The following PLA2G4D variants were observed in gnomAD, a reference collection of about 807,000 sequenced individuals.
The protein encoded by PLA2G4D is cytosolic phospholipase A2 delta.
In PLA2G4D, 80 loss-of-function variants were observed where a neutral mutation model predicts 94.4. That is an observed-to-expected ratio of 0.85 (90% CI 0.71 to 1.02). PLA2G4D has a LOEUF of 1.02. Ranked by LOEUF, PLA2G4D falls within the 50% of genes least tolerant of loss-of-function variation. The probability of loss-of-function intolerance (pLI) is 0.00; values close to 1 mark genes in which losing one functional copy is unlikely to be tolerated. For synonymous variants in PLA2G4D, 438 were observed against 440.9 expected, an observed-to-expected ratio of 0.99 and a Z score of 0.08; for missense variants, 1,050 against 1,034.7, an observed-to-expected ratio of 1.01 and a Z score of -0.20.
At chr15:42,074,508 G>A (rs980189987) in intron 13 of PLA2G4D, among the ~76,000 whole-genome samples, 2 of 152,178 alleles carry the variant, frequency 1.3e-5, no homozygotes, top group Non-Finnish European at 2.9e-5. Context: ...AAAAAGTTTC[G>A]AAGAGATGAG....
intron 1 of PLA2G4D, among the ~76,000 whole-genome samples, chr15:42,089,751 C>G (rs992193154): frequency 2.0e-5 from 3 of 152,168 alleles, no homozygotes; most frequent in East Asian, 3.9e-4. Context: ...AGCCCAGCCT[C>G]GCTCCCCTGC....
Position 42,083,731 on chromosome 15 carries a change from T to A in PLA2G4D, c.520A>T (p.Thr174Ser). The A allele has an allele frequency of 6.2e-7, 1 of 1,614,020 alleles. No homozygotes were observed. Among genetic ancestry groups the A allele is most frequent in the Non-Finnish European group, 8.5e-7 (1 of 1,179,992 alleles). The change falls in exon 7 of 20, where the codon ACC becomes TCC. Residue 174 changes from threonine (T) to serine (S), a missense_variant. Coordinates refer to ENST00000290472, the MANE Select transcript of PLA2G4D (RefSeq NM_178034.4). ...CTGGTCTCACCTGCAACCACAGCGG[T>A]GCTCCCTGTGCTGTCCAGATGCACA... ...LDVHLDSTGS[T>S]AVVADQDKLE...
chr15:42,087,265 T>A, intron 3 of PLA2G4D, 35 bp downstream of exon 3: 1 of 1,613,572 alleles, frequency 6.2e-7, no homozygotes. Context: ...TCCAGCCCGT[T>A]CACAAGGGAG....
intron 5 of PLA2G4D, 43 bp from the exon 6 acceptor site, chr15:42,085,181 G>C (rs1890117481): frequency 1.2e-6 from 2 of 1,612,224 alleles, no homozygotes; most frequent in South Asian, 1.1e-5. Flanking sequence ...TTCCTGCATT[G>C]ACCTCCCGCT....
Position 42,087,454 on chromosome 15 carries a change from G to C in PLA2G4D, c.119-18C>G. 1 of 1,613,892 alleles carries C rather than the reference G, an allele frequency of 6.2e-7. No individual in the cohort carries two copies. The highest frequency in any genetic ancestry group is 1.1e-5 in the South Asian group (1 of 91,084). ...CTCACTCACTGCCAAGGTTAAGGAA[G>C]TCTTCGTGAGGGAGTACTCCCCACA... On this transcript the variant is annotated intron_variant, in intron 2 of 19. Transcript: ENST00000290472.
chr15:42,086,115 C>T, intron 4 of PLA2G4D, 98 bp downstream of exon 4: 1 of 1,342,038 alleles, frequency 7.5e-7, no homozygotes, highest in Non-Finnish European at 1.0e-6. Context: ...AATGAGTTCA[C>T]CCCAGCAGCC....
chr15:42,071,355 C>T (rs1889812282), intron 16 of PLA2G4D, 38 bp from the exon 17 acceptor site: 1 of 1,570,280 alleles, frequency 6.4e-7, no homozygotes, highest in Non-Finnish European at 8.6e-7. Context: ...CCTTCTTCCC[C>T]TTACTTCTTC....
At chr15:42,068,982 G>T (rs920320747) in intron 19 of PLA2G4D, 41 bp from the exon 20 acceptor site, 1 of 1,553,588 alleles carries the variant, frequency 6.4e-7, no homozygotes, top group South Asian at 1.2e-5. Context: ...AGGACGCCGG[G>T]GCTTCTACAG....
chr15:42,079,702 A>G lies in PLA2G4D; in HGVS notation c.1152T>C (p.Pro384=). The change falls in exon 13 of 20, where the codon CCT becomes CCC. Residue 384 remains proline, a synonymous_variant. Coordinates refer to ENST00000290472, the MANE Select transcript of PLA2G4D (RefSeq NM_178034.4). ...PEWSQRDLEG[P]IRYAREHLAK... ...CCAGGTGCTCCCGGGCGTATCTGATAGGTCCCTCCAGGTCCCTCTGCGACC... is the reference window on the plus strand; with the variant it reads ...CCAGGTGCTCCCGGGCGTATCTGATGGGTCCCTCCAGGTCCCTCTGCGACC... 1 of 1,607,932 alleles carries G rather than the reference A, an allele frequency of 6.2e-7. No individual in the cohort carries two copies. The highest frequency in any genetic ancestry group is 8.5e-7 in the Non-Finnish European group (1 of 1,178,074).
At chr15:42,071,676 C>CT in intron 15 of PLA2G4D, 98 bp downstream of exon 15, 1 of 1,421,780 alleles carries the variant, frequency 7.0e-7, no homozygotes, top group Admixed American at 1.8e-5. Flanking sequence ...ACCCCTCCCC[C>CT]TTGTCCTGAG....
rs199834138 is a variant in PLA2G4D, at chr15:42,082,353, C to A, written c.709G>T (p.Ala237Ser). The A allele has an allele frequency of 1.9e-6, 3 of 1,614,160 alleles. No homozygotes were observed. The East Asian group carries it at 6.7e-5, about 36-fold the overall frequency. ...RSNGWNGDNSAGYLTVPLRPL... is the reference protein window; with the variant it reads ...RSNGWNGDNSSGYLTVPLRPL... Reference sequence around the variant, plus strand: ...CTCAGGGGCACAGTGAGGTACCCAGCTGAGTTGTCCCCATTCCAGCCATTG... The same window carrying A: ...CTCAGGGGCACAGTGAGGTACCCAGATGAGTTGTCCCCATTCCAGCCATTG... The change falls in exon 9 of 20, where the codon GCT becomes TCT. Residue 237 changes from alanine (A) to serine (S), a missense_variant. Coordinates refer to ENST00000290472, the MANE Select transcript of PLA2G4D (RefSeq NM_178034.4).
chr15:42,085,002 C>T, intron 6 of PLA2G4D, 94 bp downstream of exon 6: 1 of 1,443,244 alleles, frequency 6.9e-7, no homozygotes. Flanking sequence ...CCTGCCCCTT[C>T]CTTGTCCCTG....
Position 42,068,801 on chromosome 15 carries a change from T to C in PLA2G4D, c.2371A>G (p.Thr791Ala). ...LLRLSDYNVQ[T>A]SQGAILQALR... ...GCCTGCAGGATGGCACCCTGGCTGGTCTGCACGTTGTAGTCACTGAGCCGC... is the reference window on the plus strand; with the variant it reads ...GCCTGCAGGATGGCACCCTGGCTGGCCTGCACGTTGTAGTCACTGAGCCGC... Residue 791 changes from threonine to alanine, a missense_variant, in exon 20 of 20, where the codon ACC becomes GCC. Thr to Ala is a moderately conservative substitution (Grantham distance 58, BLOSUM62 0). Coordinates refer to ENST00000290472, the MANE Select transcript of PLA2G4D (RefSeq NM_178034.4). 6.2e-7 allele frequency: 1 copy of C among 1,613,696 alleles called. No homozygotes were observed. The highest frequency in any genetic ancestry group is 1.6e-4 in the Middle Eastern group (1 of 6,062).
chr15:42,071,014 A>G, intron 17 of PLA2G4D, 109 bp downstream of exon 17: 3 of 1,533,284 alleles, frequency 2.0e-6, no homozygotes, highest in Non-Finnish European at 2.6e-6. Flanking sequence ...GATCGTCTCC[A>G]GGCCACACCC....
chr15:42,069,850 G>T, intron 19 of PLA2G4D, 59 bp downstream of exon 19: 5 of 1,298,354 alleles, frequency 3.9e-6, no homozygotes, highest in Non-Finnish European at 5.0e-6. Flanking sequence ...CAGCCGGGGG[G>T]CCCAGGGCAG....
intron 13 of PLA2G4D, among the ~76,000 whole-genome samples, chr15:42,075,365 A>T (rs966477836): frequency 4.6e-5 from 7 of 152,214 alleles, no homozygotes; most frequent in Non-Finnish European, 8.8e-5. Context: ...AGCTTCTCCC[A>T]TTCTGTAGTA....
rs1173880205 is a variant in PLA2G4D at position 42,087,714 on chromosome 15, C to G, written c.46-14G>C. 1.9e-6 allele frequency: 3 copies of G among 1,613,490 alleles called. No individual in the cohort carries two copies. The highest frequency in any genetic ancestry group is 2.5e-6 in the Non-Finnish European group (3 of 1,179,586). ...AGAGGCCTCCCCCTGAAGAGAAAAT[C>G]AAACTCCAGAGTCCTTCCTGCATTC... On this transcript the variant is annotated splice_polypyrimidine_tract_variant and intron_variant, in intron 1 of 19. Transcript: ENST00000290472.
chr15:42,073,104 G>A (rs185003066), intron 13 of PLA2G4D, among the ~76,000 whole-genome samples: 29 of 152,304 alleles, frequency 1.9e-4, no homozygotes, highest in Admixed American at 4.6e-4. Flanking sequence ...CCAGGCCCAA[G>A]TGATCCTCCC....
chr15:42,086,214 T>A lies in PLA2G4D; in HGVS notation c.386A>T (p.Gln129Leu). 1 of 86,988 alleles carries A rather than the reference T, an allele frequency of 1.1e-5. No individual in the cohort carries two copies. The highest frequency in any genetic ancestry group is 7.9e-5 in the South Asian group (1 of 12,642). The allele number at this position is 86,988 out of a possible 1,614,324, so 5.4% of individuals were successfully genotyped here. The change falls in exon 4 of 20, where the codon CAG becomes CTG. Residue 129 changes from glutamine (Q) to leucine (L), a missense_variant and splice_region_variant. By Grantham distance (113) the Gln-to-Leu change is moderately radical. Transcript: ENST00000290472. ...LLRKTFSQSP[Q>L]GEEELDVEFL... ...GGACTTCCCCACCCACCCACCCACC[T>A]GGGGACTCTGGGAGAAGGTTTTCCG...
Sources: allele counts gnomAD v4.1 joint callset (sites outside exome capture counted in the v4.1 genomes callset), GRCh38; gene constraint gnomAD v4.1.1; transcripts MANE v1.5; gene names NCBI Gene and HGNC (gene_info 2026-07-23, HGNC 2026-07-21).